KALRN: variants seen among roughly 807,000 people sequenced by gnomAD.
KALRN encodes kalirin RhoGEF kinase.
In KALRN, 70 loss-of-function variants were observed where a neutral mutation model predicts 353.7. That is an observed-to-expected ratio of 0.20 (90% CI 0.16 to 0.24). The LOEUF is 0.24. Ranked by LOEUF, KALRN falls within the 10% of genes least tolerant of loss-of-function variation. The probability of loss-of-function intolerance (pLI) is 1.00; values close to 1 mark genes in which losing one functional copy is unlikely to be tolerated. For missense variants in KALRN, 2,791 were observed against 3,756.7 expected (o/e 0.74, Z 6.72); for synonymous variants, 1,391 against 1,434.8 (o/e 0.97, Z 0.69).
At chr3:124,395,371 G>A (rs755155869) in intron 12 of KALRN, 28 bp downstream of exon 12, 15 of 1,574,820 alleles carry the variant, frequency 9.5e-6, no homozygotes, top group Non-Finnish European at 1.2e-5. Flanking sequence ...TTTCCAGTGG[G>A]AAATGCCTCG....
At chr3:124,295,787 A>G (rs2076798887) in intron 5 of KALRN, among the ~76,000 whole-genome samples, 1 of 152,236 alleles carries the variant, frequency 6.6e-6, no homozygotes, top group Admixed American at 6.5e-5. Context: ...TAGGGCTGGG[A>G]GGCAGAATTC....
chr3:124,391,086 A>T (rs1277221077), intron 11 of KALRN, among the ~76,000 whole-genome samples: 1 of 152,220 alleles, frequency 6.6e-6, no homozygotes, highest in East Asian at 1.9e-4. Context: ...CCACAACTAC[A>T]TGTGTTTCTG....
intron 33 of KALRN, among the ~76,000 whole-genome samples, chr3:124,498,708 A>G (rs2064161395): frequency 6.6e-6 from 1 of 152,208 alleles, no homozygotes; most frequent in South Asian, 2.1e-4. Flanking sequence ...TTTCAAAATA[A>G]GGGGAAGATC....
chr3:124,191,191 G>A (rs2074865691), intron 1 of KALRN, among the ~76,000 whole-genome samples: 1 of 152,198 alleles, frequency 6.6e-6, no homozygotes, highest in Admixed American at 6.5e-5. Flanking sequence ...ATGTTCCACT[G>A]TCCAGAAGCT....
intron 38 of KALRN, among the ~76,000 whole-genome samples, chr3:124,655,165 T>C (rs1276426033): frequency 1.3e-5 from 2 of 152,254 alleles, no homozygotes; most frequent in Non-Finnish European, 2.9e-5. Flanking sequence ...CTTTCTCTTC[T>C]TGTTAAGTGA....
intron 1 of KALRN, among the ~76,000 whole-genome samples, chr3:124,148,765 G>A (rs2067698846): frequency 6.6e-6 from 1 of 152,100 alleles, no homozygotes; most frequent in Admixed American, 6.5e-5. Context: ...TAGGCCACCT[G>A]AGAAGGTTAT....
At chr3:124,437,979 T>C (rs2093538181) in intron 17 of KALRN, among the ~76,000 whole-genome samples, 1 of 152,170 alleles carries the variant, frequency 6.6e-6, no homozygotes, top group African/African-American at 2.4e-5. Context: ...TATGCTATTG[T>C]TTTTATTTGT....
intron 36 of KALRN, among the ~76,000 whole-genome samples, chr3:124,636,934 G>A (rs1336733047): frequency 6.6e-6 from 1 of 152,122 alleles, no homozygotes; most frequent in Non-Finnish European, 1.5e-5. Flanking sequence ...GGCCTCCCAG[G>A]AAGTCAGTGA....
intron 1 of KALRN, chr3:124,151,985 A>T: frequency 6.8e-7 from 1 of 1,462,522 alleles, no homozygotes; most frequent in Middle Eastern, 2.4e-4. Flanking sequence ...AAGCCTGTTG[A>T]TCTGGTCCTC....
intron 51 of KALRN, among the ~76,000 whole-genome samples, chr3:124,686,968 A>T (rs2061594154): frequency 6.6e-6 from 1 of 151,274 alleles, no homozygotes; most frequent in Non-Finnish European, 1.5e-5. Context: ...GGCACGTGCC[A>T]CCATGGCCAG....
intron 37 of KALRN, among the ~76,000 whole-genome samples, chr3:124,649,088 G>A (rs1445263498): frequency 6.6e-6 from 1 of 152,048 alleles, no homozygotes. Context: ...ACAAATTCAT[G>A]TTTAGCCCTT....
intron 1 of KALRN, among the ~76,000 whole-genome samples, chr3:124,138,063 C>A (rs1050883580): frequency 3.3e-5 from 5 of 152,186 alleles, no homozygotes; most frequent in Non-Finnish European, 4.4e-5. Flanking sequence ...AGGCTGGTAT[C>A]TCAAGGTTCA....
chr3:124,572,460 C>T (rs938411025), intron 34 of KALRN, among the ~76,000 whole-genome samples: 8 of 151,138 alleles, frequency 5.3e-5, no homozygotes, highest in Admixed American at 2.0e-4. Flanking sequence ...TCTTTGAAAA[C>T]GGAACAGAAT....
chr3:124,490,855 A>T lies in KALRN; in HGVS notation c.4558A>T (p.Thr1520Ser). Residue 1520 changes from threonine (T) to serine (S), a missense_variant, in exon 30 of 60, where the codon ACG becomes TCG. Physicochemically the swap from Thr to Ser is moderately conservative, Grantham distance 58. Around this residue, in one of 11 missense-constraint regions of KALRN, gnomAD observed 239 missense variants for 351.3 expected, o/e 0.68. Transcript: ENST00000682506. ...SKEIKDSSGH[T>S]KYVYKNKLLT... ...GGAGATCAAAGATTCTTCAGGACAC[A>T]CGAAATATGTTTACAAGAACAAGCT... is the stretch of plus-strand genomic sequence containing the variant. 3.7e-6 allele frequency: 6 copies of T among 1,613,404 alleles called. No individual in the cohort carries two copies. The highest frequency in any genetic ancestry group is 5.1e-6 in the Non-Finnish European group (6 of 1,179,714).
intron 5 of KALRN, among the ~76,000 whole-genome samples, chr3:124,286,774 A>G (rs1029891502): frequency 1.3e-5 from 2 of 152,140 alleles, no homozygotes; most frequent in African/African-American, 2.4e-5. Context: ...GATGTCAATC[A>G]TAGTTATTTT....
chr3:124,131,112 A>G (rs1324853007), intron 1 of KALRN, among the ~76,000 whole-genome samples: 1 of 152,236 alleles, frequency 6.6e-6, no homozygotes, highest in Admixed American at 6.5e-5. Context: ...ATGAAAAAGC[A>G]AAGAAAAGGA....
chr3:124,347,992 A>G (rs945593438), intron 10 of KALRN, among the ~76,000 whole-genome samples: 6 of 152,228 alleles, frequency 3.9e-5, no homozygotes, highest in African/African-American at 1.4e-4. Flanking sequence ...GTTTTTGTTC[A>G]GAGCCTCCAC....
chr3:124,631,248 G>A (rs1578486622), intron 34 of KALRN, among the ~76,000 whole-genome samples: 2 of 152,052 alleles, frequency 1.3e-5, no homozygotes, highest in African/African-American at 4.8e-5. Flanking sequence ...ATCTCACCCA[G>A]CTTCATGGCT....
intron 1 of KALRN, among the ~76,000 whole-genome samples, chr3:124,175,411 G>T (rs2072549851): frequency 6.6e-6 from 1 of 151,800 alleles, no homozygotes; most frequent in Non-Finnish European, 1.5e-5. Flanking sequence ...TCTCCAGGAT[G>T]CGGAGATGCG....
Sources: gnomAD v4.1 joint callset for allele counts (sites outside exome capture counted in the v4.1 genomes callset) on GRCh38, gnomAD v4.1.1 for gene constraint, gnomAD v4.1.1 regional missense constraint, MANE v1.5 for transcripts, NCBI Gene and HGNC (gene_info 2026-07-23, HGNC 2026-07-21) for gene names.